ACSS3: variants seen among roughly 807,000 people sequenced by gnomAD.
ACSS3 encodes acyl-CoA synthetase short chain family member 3.
ACSS3 carries 64 observed loss-of-function variants against 84.2 expected under a neutral mutation model. The observed-to-expected ratio is 0.76, with a 90% CI of 0.62 to 0.94. The LOEUF (loss-of-function observed/expected upper bound fraction) is 0.94, where lower values mean the gene tolerates loss of function less well. Ranked by LOEUF, ACSS3 falls within the 40% of genes least tolerant of loss-of-function variation. The pLI is 0.00. For missense variants in ACSS3, 815 were observed against 867.6 expected (o/e 0.94, Z 0.76); for synonymous variants, 317 against 310.1 (o/e 1.02, Z -0.23).
intron 9 of ACSS3, among the ~76,000 whole-genome samples, chr12:81,207,220 C>T (rs575592526): frequency 3.3e-5 from 5 of 152,228 alleles, no homozygotes; most frequent in South Asian, 2.1e-4. Flanking sequence ...TCTATACCTT[C>T]CCTTGACAAA....
intron 13 of ACSS3, among the ~76,000 whole-genome samples, chr12:81,251,292 A>C (rs1285249974): frequency 1.3e-5 from 2 of 152,156 alleles, no homozygotes; most frequent in East Asian, 3.9e-4. Context: ...GTGATACTAT[A>C]ATGGTGGATA....
intron 7 of ACSS3, among the ~76,000 whole-genome samples, chr12:81,159,190 T>C (rs1046745684): frequency 6.6e-6 from 1 of 152,168 alleles, no homozygotes; most frequent in Non-Finnish European, 1.5e-5. Flanking sequence ...TTGGACATAT[T>C]TAAATACAGA....
At chr12:81,250,444 A>T (rs188169807) in intron 13 of ACSS3, among the ~76,000 whole-genome samples, 1 of 152,246 alleles carries the variant, frequency 6.6e-6, no homozygotes, top group East Asian at 1.9e-4. Flanking sequence ...ATTATATTAT[A>T]GGAAATGTTG....
chr12:81,186,897 T>TA (rs1436676438), intron 8 of ACSS3, among the ~76,000 whole-genome samples: 2 of 151,834 alleles, frequency 1.3e-5, no homozygotes, highest in Non-Finnish European at 2.9e-5. Context: ...CTCATGAACA[T>TA]ATTTGCATTC....
rs1026127960 is a variant in ACSS3 at position 81,236,496 on chromosome 12, A to G, written c.1719+3025A>G. Among the ~76,000 whole-genome samples the G allele has an allele frequency of 2.6e-5, 4 of 150,984 alleles. No homozygotes were observed. The Admixed American group carries it at 2.7e-4, about 10-fold the overall frequency. On this transcript the variant is annotated intron_variant, in intron 13 of 15. Coordinates refer to ENST00000548058, the MANE Select transcript of ACSS3 (RefSeq NM_024560.4). ...TTTTTCATTTTTTCATTTTTAATCT[A>G]TCTGTATTATGTTTCATGTGGGTTT...
intron 13 of ACSS3, among the ~76,000 whole-genome samples, chr12:81,241,716 A>T (rs372322528): frequency 6.6e-6 from 1 of 151,648 alleles, no homozygotes; most frequent in African/African-American, 2.4e-5. Flanking sequence ...GTTTGAGTTC[A>T]TTGTAGATTC....
chr12:81,079,756 G>A (rs1310255639), intron 1 of ACSS3, among the ~76,000 whole-genome samples: 1 of 152,190 alleles, frequency 6.6e-6, no homozygotes, highest in African/African-American at 2.4e-5. Context: ...CCTGGTCTGA[G>A]TTTGGCTTCT....
At chr12:81,203,040 T>G (rs2032178776) in intron 9 of ACSS3, among the ~76,000 whole-genome samples, 1 of 152,120 alleles carries the variant, frequency 6.6e-6, no homozygotes, top group African/African-American at 2.4e-5. Flanking sequence ...GTAGCATGGC[T>G]CAGTCCAAGT....
At chr12:81,135,072 A>C (rs1593111918) in intron 3 of ACSS3, 68 bp downstream of exon 3, 3 of 1,347,922 alleles carry the variant, frequency 2.2e-6, no homozygotes, top group African/African-American at 1.5e-5. Flanking sequence ...TCTGTGGATG[A>C]ATCATCTGAG....
intron 10 of ACSS3, among the ~76,000 whole-genome samples, chr12:81,217,253 C>T (rs2032954146): frequency 6.6e-6 from 1 of 152,064 alleles, no homozygotes; most frequent in Non-Finnish European, 1.5e-5. Context: ...TGTGAAATTA[C>T]TATGAAGGAA....
chr12:81,086,416 C>T (rs1341298759), intron 1 of ACSS3, among the ~76,000 whole-genome samples: 2 of 152,136 alleles, frequency 1.3e-5, no homozygotes, highest in Non-Finnish European at 2.9e-5. Flanking sequence ...TGAAGGTCAG[C>T]AGCTTGGTAC....
rs1471350542 is a variant in ACSS3 at position 81,108,249 on chromosome 12, A to G, written c.312-1311A>G. 3.5e-5 allele frequency among the ~76,000 whole-genome samples: 4 copies of G among 113,066 alleles called. No homozygotes were observed. In the East Asian group the frequency reaches 6.2e-4, roughly 17 times the overall value. The allele number at this position is 113,066 out of a possible 152,430, so 74.2% of individuals were successfully genotyped here. A position where few individuals can be genotyped will look rare whatever the true frequency, so the allele number is the denominator to read the frequency against. ...CTTCCTCCTGTTGCTTTCTGTGGCT[A>G]TTATTATTATTATTAATTATTATTA... On this transcript the variant is annotated intron_variant, in intron 1 of 15. Coordinates refer to ENST00000548058, the MANE Select transcript of ACSS3 (RefSeq NM_024560.4).
chr12:81,111,919 A>G (rs2121514327), intron 2 of ACSS3, among the ~76,000 whole-genome samples: 1 of 152,310 alleles, frequency 6.6e-6, no homozygotes, highest in Middle Eastern at 3.4e-3. Context: ...TCAAGACAGA[A>G]AAAAGCAAAA....
rs143599764 is a variant in ACSS3 at position 81,151,246 on chromosome 12, A to G, written c.922-598A>G. On this transcript the variant is annotated intron_variant, in intron 5 of 15. Coordinates refer to ENST00000548058, the MANE Select transcript of ACSS3 (RefSeq NM_024560.4). ...TTTGCCCAAAATGCAATATAAGACA[A>G]ATTTTTTAACCTTAGATTCAACTCA... 2.1e-3 allele frequency among the ~76,000 whole-genome samples: 326 copies of G among 152,250 alleles called. 1 individual carries two copies. The highest frequency in any genetic ancestry group is 7.2e-3 in the African/African-American group (298 of 41,564).
chr12:81,166,202 T>C (rs1887394874), intron 7 of ACSS3, among the ~76,000 whole-genome samples: 1 of 152,126 alleles, frequency 6.6e-6, no homozygotes, highest in Non-Finnish European at 1.5e-5. Context: ...AGAATATCAG[T>C]GATCAGAATA....
chr12:81,213,835 TCTCTTCTCTC>T (rs1212084700), intron 9 of ACSS3, among the ~76,000 whole-genome samples: 2 of 30,336 alleles, frequency 6.6e-5, no homozygotes, highest in East Asian at 4.4e-4. Flanking sequence ...TCTCTTCTCT[TCTCTTCTCTC>T]CTCTCCTCTC....
At chr12:81,245,630 C>T (rs762960664) in intron 13 of ACSS3, among the ~76,000 whole-genome samples, 4 of 152,174 alleles carry the variant, frequency 2.6e-5, no homozygotes, top group South Asian at 2.1e-4. Context: ...TTTTGTCATA[C>T]AGCTCGGGTT....
intron 10 of ACSS3, 67 bp from the exon 11 acceptor site, chr12:81,219,946 A>G (rs938302259): frequency 2.7e-6 from 3 of 1,115,146 alleles, no homozygotes; most frequent in Non-Finnish European, 3.6e-6. Flanking sequence ...GAATATAAAA[A>G]TATAGAAAAA....
chr12:81,229,489 A>G (rs2033384017), intron 11 of ACSS3, among the ~76,000 whole-genome samples: 1 of 151,918 alleles, frequency 6.6e-6, no homozygotes, highest in South Asian at 2.1e-4. Flanking sequence ...CGATGATTTT[A>G]CACTTTTCTG....
Sources: gnomAD v4.1 joint callset for allele counts (sites outside exome capture counted in the v4.1 genomes callset) on GRCh38, gnomAD v4.1.1 for gene constraint, MANE v1.5 for transcripts, NCBI Gene and HGNC (gene_info 2026-07-23, HGNC 2026-07-21) for gene names.